The following PLA2G4D variants were observed in gnomAD, a reference collection of about 807,000 sequenced individuals.
The protein encoded by PLA2G4D is cytosolic phospholipase A2 delta.
In PLA2G4D, 80 loss-of-function variants were observed where a neutral mutation model predicts 94.4. That is an observed-to-expected ratio of 0.85 (90% CI 0.71 to 1.02). PLA2G4D has a LOEUF of 1.02. Ranked by LOEUF, PLA2G4D falls within the 50% of genes least tolerant of loss-of-function variation. The pLI is 0.00. For synonymous variants in PLA2G4D, 438 were observed against 440.9 expected, an observed-to-expected ratio of 0.99 and a Z score of 0.08; for missense variants, 1,050 against 1,034.7, an observed-to-expected ratio of 1.01 and a Z score of -0.20.
Position 42,086,194 on chromosome 15 carries a change from T to TTCCCCCCCCC in PLA2G4D, c.387+18_387+19insGGGGGGGGGA. 7 of 1,370,402 alleles carry TTCCCCCCCCC rather than the reference T, an allele frequency of 5.1e-6. No individual in the cohort carries two copies. Among genetic ancestry groups the TTCCCCCCCCC allele is most frequent in the South Asian group, 3.0e-5 (2 of 66,852 alleles). The allele number at this position is 1,370,402 out of a possible 1,614,324, so 84.9% of individuals were successfully genotyped here. ...GGAAGAAGTGGGGCCCACGGGGACT[T>TTCCCCCCCCC]CCCCACCCACCCACCCACCTGGGGA... On this transcript the variant is annotated intron_variant, in intron 4 of 19. Transcript: ENST00000290472.
In PLA2G4D at chr15:42,071,557, G is replaced by C. The variant is rs200782179; in HGVS notation, c.1574-6C>G. ...GAAAATGTTGCTCCAGATGGCTGAGGAACACCAAAAGAGATCAGCCTCAGG... is the reference window on the plus strand; with the variant it reads ...GAAAATGTTGCTCCAGATGGCTGAGCAACACCAAAAGAGATCAGCCTCAGG... On this transcript the variant is annotated splice_polypyrimidine_tract_variant and splice_region_variant and intron_variant, in intron 15 of 19. Coordinates refer to ENST00000290472, the MANE Select transcript of PLA2G4D (RefSeq NM_178034.4). 388 of 1,609,368 alleles carry C rather than the reference G, an allele frequency of 2.4e-4. 1 individual carries two copies. In the African/African-American group the frequency reaches 4.8e-3, roughly 20 times the overall value.
Position 42,083,083 on chromosome 15 carries a change from C to T in PLA2G4D, c.672+115G>A. The T allele has an allele frequency of 6.4e-6, 9 of 1,401,092 alleles. No homozygotes were observed. The South Asian group carries it at 1.3e-4, about 20-fold the overall frequency. The allele number at this position is 1,401,092 out of a possible 1,614,324, so 86.8% of individuals were successfully genotyped here. ...GAGTGAGGTGCCTAACTAGGGGAGGCTGACAAGGCCACAGGGGCCTTGGCC... is the reference window on the plus strand; with the variant it reads ...GAGTGAGGTGCCTAACTAGGGGAGGTTGACAAGGCCACAGGGGCCTTGGCC... On this transcript the variant is annotated intron_variant, in intron 8 of 19. Transcript: ENST00000290472.
chr15:42,094,402 C>T lies in PLA2G4D; in HGVS notation c.45+13G>A, dbSNP rs1358138455. 1 of 1,613,980 alleles carries T rather than the reference C, an allele frequency of 6.2e-7. No homozygotes were observed. The highest frequency in any genetic ancestry group is 8.5e-7 in the Non-Finnish European group (1 of 1,179,938). ...CCCTGACTGGTGCCCACATGCTCTGCAGACACTGTTACCTGGTAAGGGTGG... is the reference window on the plus strand; with the variant it reads ...CCCTGACTGGTGCCCACATGCTCTGTAGACACTGTTACCTGGTAAGGGTGG... On this transcript the variant is annotated intron_variant, in intron 1 of 19. Coordinates refer to ENST00000290472, the MANE Select transcript of PLA2G4D (RefSeq NM_178034.4).
chr15:42,072,413 G>T, intron 13 of PLA2G4D, 21 bp from the exon 14 acceptor site: 1 of 1,597,918 alleles, frequency 6.3e-7, no homozygotes, highest in Non-Finnish European at 8.6e-7. Flanking sequence ...AGGGCATCAG[G>T]GCCTAAGTGA....
intron 3 of PLA2G4D, among the ~76,000 whole-genome samples, chr15:42,086,651 G>C (rs2141102384): frequency 6.6e-6 from 1 of 152,210 alleles, no homozygotes; most frequent in African/African-American, 2.4e-5. Context: ...GAGAGTTCGA[G>C]ACCAGCCTGG....
chr15:42,090,981 C>T (rs1380893887), intron 1 of PLA2G4D, among the ~76,000 whole-genome samples: 1 of 152,116 alleles, frequency 6.6e-6, no homozygotes, highest in Non-Finnish European at 1.5e-5. Context: ...CCCCTTTTTT[C>T]CAGTAAAAGC....
chr15:42,083,765 T>G lies in PLA2G4D; in HGVS notation c.486A>C (p.Ser162=), dbSNP rs113002577. The change falls in exon 7 of 20, where the codon TCA becomes TCC. Residue 162 remains serine (S), a synonymous_variant. Coordinates refer to ENST00000290472, the MANE Select transcript of PLA2G4D (RefSeq NM_178034.4). Reference sequence around the variant, plus strand: ...TGCTGTCCAGATGCACATCCAGGCATGACAGCTCTCGGGCCTGGGGAAGAC... The same window carrying G: ...TGCTGTCCAGATGCACATCCAGGCAGGACAGCTCTCGGGCCTGGGGAAGAC... ...TNKVIVAREL[S]CLDVHLDSTG... 10,767 of 1,613,862 alleles carry G rather than the reference T, an allele frequency of 6.7e-3. 202 individuals are homozygous for G. The highest frequency in any genetic ancestry group is 0.056 in the African/African-American group (4,200 of 75,038).
In PLA2G4D at chr15:42,071,187, G is replaced by A; in HGVS notation, c.1812C>T (p.Asn604=). The A allele has an allele frequency of 6.2e-7, 1 of 1,613,690 alleles. No homozygotes were observed. The highest frequency in any genetic ancestry group is 8.5e-7 in the Non-Finnish European group (1 of 1,179,844). The stretch of plus-strand genomic sequence containing the variant: ...GGTGCAGCTGGAGGCCCTGGAGGAA[G>A]TTGGGGCTGCGCTGGTGGAGGGGCC... ...TGRPLHQRSP[N]FLQGLQLHQD... The change falls in exon 17 of 20, where the codon AAC becomes AAT. Residue 604 remains asparagine, a synonymous_variant. Coordinates refer to ENST00000290472, the MANE Select transcript of PLA2G4D (RefSeq NM_178034.4).
intron 10 of PLA2G4D, 26 bp from the exon 11 acceptor site, chr15:42,081,640 C>A: frequency 6.2e-7 from 1 of 1,612,676 alleles, no homozygotes; most frequent in South Asian, 1.1e-5. Context: ...ATCCAGGGGT[C>A]AGGGGACACC....
At chr15:42,071,021 AC>A in intron 17 of PLA2G4D, 101 bp downstream of exon 17, 1 of 1,534,892 alleles carries the variant, frequency 6.5e-7, no homozygotes. Context: ...TCCAGGCCAC[AC>A]CCCAGAAGTG....
In PLA2G4D at chr15:42,086,210, C is replaced by CCCCCCCGGGG. The variant is rs1566865278; in HGVS notation, c.387+2_387+3insCCCCGGGGGG. The CCCCCCCGGGG allele has an allele frequency of 1.4e-6, 2 of 1,442,554 alleles. No homozygotes were observed. Among genetic ancestry groups the CCCCCCCGGGG allele is most frequent in the South Asian group, 1.2e-5 (1 of 81,890 alleles). 89.4% of individuals were successfully genotyped at this position (1,442,554 alleles called of 1,614,324 possible). On this transcript the variant is annotated splice_region_variant and intron_variant, in intron 4 of 19. Transcript: ENST00000290472. Reference sequence around the variant, plus strand: ...ACGGGGACTTCCCCACCCACCCACCCACCTGGGGACTCTGGGAGAAGGTTT... The same window carrying CCCCCCCGGGG: ...ACGGGGACTTCCCCACCCACCCACCCCCCCCCGGGGACCTGGGGACTCTGGGAGAAGGTTT...
chr15:42,093,623 C>T (rs1389662512), intron 1 of PLA2G4D, among the ~76,000 whole-genome samples: 2 of 152,324 alleles, frequency 1.3e-5, no homozygotes, highest in African/African-American at 2.4e-5. Context: ...CATCTTCCCC[C>T]AGGGCTCCTT....
At chr15:42,073,137 A>G (rs924290505) in intron 13 of PLA2G4D, among the ~76,000 whole-genome samples, 1 of 152,140 alleles carries the variant, frequency 6.6e-6, no homozygotes, top group Admixed American at 6.5e-5. Context: ...CGAGTAGAGT[A>G]GCTGGGACTA....
chr15:42,068,980 G>A (rs2412656), intron 19 of PLA2G4D, 39 bp from the exon 20 acceptor site: 158,435 of 1,560,536 alleles, frequency 0.1, 9,046 homozygotes, highest in Non-Finnish European at 0.12. Flanking sequence ...GCAGGACGCC[G>A]GGGCTTCTAC....
rs747988372 is a variant in PLA2G4D at position 42,086,254 on chromosome 15, G to A, written c.346C>T (p.Pro116Ser). 16 of 1,585,926 alleles carry A rather than the reference G, an allele frequency of 1.0e-5. No homozygotes were observed. In the Admixed American group the frequency reaches 2.7e-4, roughly 27 times the overall value. The change falls in exon 4 of 20, where the codon CCT becomes TCT. Residue 116 changes from proline to serine, a missense_variant. By Grantham distance (74) the Pro-to-Ser change is moderately conservative. Coordinates refer to ENST00000290472, the MANE Select transcript of PLA2G4D (RefSeq NM_178034.4). ...AAGGTTTTCCGGAGCAGCTTGCCAG[G>A]GAGGACTTCTGAGATGTCATAGAGA... ...KVLYDISEVL[P>S]GKLLRKTFSQ...
intron 12 of PLA2G4D, among the ~76,000 whole-genome samples, chr15:42,080,612 T>A (rs1890018113): frequency 6.6e-6 from 1 of 152,208 alleles, no homozygotes; most frequent in Non-Finnish European, 1.5e-5. Flanking sequence ...AGTGCTTTAC[T>A]TGGGTGATCC....
intron 17 of PLA2G4D, 96 bp from the exon 18 acceptor site, chr15:42,070,979 G>A (rs993596377): frequency 6.6e-6 from 10 of 1,523,310 alleles, no homozygotes; most frequent in Non-Finnish European, 8.0e-6. Context: ...ATGCCACCCA[G>A]CCCTTCCCCA....
chr15:42,083,369 A>T (rs775488986), intron 7 of PLA2G4D, 35 bp from the exon 8 acceptor site: 7 of 1,593,094 alleles, frequency 4.4e-6, no homozygotes, highest in Non-Finnish European at 6.0e-6. Context: ...CATGAGAACA[A>T]GAGCCCGGAA....
intron 3 of PLA2G4D, among the ~76,000 whole-genome samples, chr15:42,087,053 G>C (rs781636792): frequency 6.6e-5 from 10 of 152,122 alleles, no homozygotes; most frequent in Non-Finnish European, 1.3e-4. Context: ...TACTGTCTCT[G>C]TTTCATAGCT....
Sources: allele counts gnomAD v4.1 joint callset (sites outside exome capture counted in the v4.1 genomes callset), GRCh38; gene constraint gnomAD v4.1.1; transcripts MANE v1.5; gene names NCBI Gene and HGNC (gene_info 2026-07-23, HGNC 2026-07-21).